The following SLC12A3 variants were observed in gnomAD, a reference collection of about 807,000 sequenced individuals.
SLC12A3 encodes Na-Cl cotransporter.
A neutral mutation model predicts 121.0 loss-of-function variants in SLC12A3; 104 were observed. That is an observed-to-expected ratio of 0.86 (90% CI 0.73 to 1.01). SLC12A3 has a LOEUF of 1.01. Among genes scored for constraint, SLC12A3 ranks in the 50% least tolerant of loss-of-function variants. SLC12A3 has a pLI of 0.00. For missense variants in SLC12A3, 1,328 were observed against 1,356.3 expected (o/e 0.98, Z 0.33); for synonymous variants, 536 against 533.4 (o/e 1.00, Z -0.07).
At position 56,865,533 on chromosome 16, in the gene SLC12A3, G is replaced by A. The variant is rs1964333460; in HGVS notation, c.282+16G>A. 2.2e-5 allele frequency: 36 copies of A among 1,608,504 alleles called. No homozygotes were observed. The highest frequency in any genetic ancestry group is 2.9e-5 in the Non-Finnish European group (34 of 1,179,942). On this transcript the variant is annotated intron_variant, in intron 1 of 25. Coordinates refer to ENST00000563236, the MANE Select transcript of SLC12A3 (RefSeq NM_001126108.2). ...CTTCCTCAAGGTAAGTGCTGTCTCA[G>A]AAGACTGGCCACTTCCCTGCTGTGT...
At chr16:56,868,227 A>G (rs1194344248) in intron 2 of SLC12A3, 70 bp from the exon 3 acceptor site, 1 of 1,449,888 alleles carries the variant, frequency 6.9e-7, no homozygotes, top group African/African-American at 1.4e-5. Context: ...TGCCATAGCA[A>G]GGGACAGGGA....
At chr16:56,867,419 A>C (rs567045994) in intron 2 of SLC12A3, among the ~76,000 whole-genome samples, 2 of 152,338 alleles carry the variant, frequency 1.3e-5, no homozygotes, top group Admixed American at 6.5e-5. Flanking sequence ...TTCCCTAAAA[A>C]GCCACCAGGG....
At chr16:56,886,516 G>A (rs777686519) in intron 16 of SLC12A3, 41 bp downstream of exon 16, 10 of 1,516,280 alleles carry the variant, frequency 6.6e-6, no homozygotes, top group Non-Finnish European at 8.2e-6. Flanking sequence ...CAGGCATGGT[G>A]GCTCATGCCT....
In SLC12A3 at chr16:56,887,021, G is replaced by A. The variant is rs769523723; in HGVS notation, c.2106G>A (p.Lys702=). The stretch of plus-strand genomic sequence containing the variant: ...ACGGGCACACCAAGTGGCTGAACAA[G>A]AGGAAGATCAAGGCCTTCTACTCGG... ...IANGHTKWLN[K]RKIKAFYSDV... is the part of the protein sequence containing the mutation. Residue 702 remains lysine, a synonymous_variant, in exon 17 of 26, where the codon AAG becomes AAA. Transcript: ENST00000563236. 1 of 1,613,920 alleles carries A rather than the reference G, an allele frequency of 6.2e-7. No homozygotes were observed. Among genetic ancestry groups the A allele is most frequent in the South Asian group, 1.1e-5 (1 of 91,080 alleles).
rs539146120 is a variant in SLC12A3, at chr16:56,883,899, C to T, written c.1670-150C>T. 99 of 754,696 alleles carry T rather than the reference C, an allele frequency of 1.3e-4. 1 individual carries two copies. The South Asian group carries it at 1.8e-3, about 13-fold the overall frequency. The allele number at this position is 754,696 out of a possible 1,614,324, so 46.7% of individuals were successfully genotyped here. A position where few individuals can be genotyped will look rare whatever the true frequency, so the allele number is the denominator to read the frequency against. On this transcript the variant is annotated intron_variant, in intron 13 of 25. Coordinates refer to ENST00000563236, the MANE Select transcript of SLC12A3 (RefSeq NM_001126108.2). ...GAGCCTGTAGACCCAGCCCAGGAGG[C>T]AGGGTGGGTGGTGCTCATGGCTGGT... is the stretch of plus-strand genomic sequence containing the variant.
At chr16:56,894,881 A>G (rs1379163926) in intron 22 of SLC12A3, among the ~76,000 whole-genome samples, 2 of 152,124 alleles carry the variant, frequency 1.3e-5, no homozygotes. Flanking sequence ...CAGATGCCCT[A>G]GGCTTTGCTA....
At position 56,892,933 on chromosome 16, in the gene SLC12A3, C is replaced by T. The variant is rs1271637973; in HGVS notation, c.2420-20C>T. ...TGCGCGGCTGCTGGCTCTGCTCTGACCCGCCCCCACCTCCTGCAGTGGACC... is the reference window on the plus strand; with the variant it reads ...TGCGCGGCTGCTGGCTCTGCTCTGATCCGCCCCCACCTCCTGCAGTGGACC... On this transcript the variant is annotated intron_variant, in intron 20 of 25. Coordinates refer to ENST00000563236, the MANE Select transcript of SLC12A3 (RefSeq NM_001126108.2). 6.2e-7 allele frequency: 1 copy of T among 1,607,624 alleles called. No individual in the cohort carries two copies. The highest frequency in any genetic ancestry group is 1.1e-5 in the South Asian group (1 of 90,744).
Position 56,913,264 on chromosome 16 carries a change from C to T in SLC12A3, c.2925C>T (p.Ile975=). 2 of 1,614,176 alleles carry T rather than the reference C, an allele frequency of 1.2e-6. No homozygotes were observed. Among genetic ancestry groups the T allele is most frequent in the Non-Finnish European group, 1.7e-6 (2 of 1,180,032 alleles). The change falls in exon 26 of 26, where the codon ATC becomes ATT. Residue 975 remains isoleucine, a splice_region_variant and synonymous_variant. Transcript: ENST00000563236. ...DYSRDAALIV[I]TLPIGRKGKC... Reference sequence around the variant, plus strand: ...TCTACCACTTTTTCATGCCTTGCAGCACTTTGCCCATAGGGAGGAAGGGGA... The same window carrying T: ...TCTACCACTTTTTCATGCCTTGCAGTACTTTGCCCATAGGGAGGAAGGGGA...
intron 1 of SLC12A3, among the ~76,000 whole-genome samples, chr16:56,865,757 C>G (rs1231278134): frequency 6.6e-6 from 1 of 152,156 alleles, no homozygotes; most frequent in African/African-American, 2.4e-5. Context: ...AGGTAATGAG[C>G]TTCCAGTGAG....
chr16:56,893,874 T>C (rs1346439227), intron 21 of SLC12A3, among the ~76,000 whole-genome samples: 11 of 149,656 alleles, frequency 7.4e-5, no homozygotes, highest in East Asian at 2.0e-4. Flanking sequence ...GCCTCCTGGG[T>C]TCAAGCGATT....
In SLC12A3 at chr16:56,882,472, C is replaced by T. The variant is rs541847708; in HGVS notation, c.1644C>T (p.Phe548=). ...CSYALINFSC[F]HASITNSPGW... is the part of the protein sequence containing the mutation. ...ATGCCCTCATCAACTTCAGCTGCTT[C>T]CACGCCTCCATCACCAACTCGCCTG... Residue 548 remains phenylalanine, a synonymous_variant, in exon 13 of 26, where the codon TTC becomes TTT. Transcript: ENST00000563236. 5.6e-6 allele frequency: 9 copies of T among 1,614,038 alleles called. No homozygotes were observed. The highest frequency in any genetic ancestry group is 4.4e-5 in the South Asian group (4 of 91,074).
intron 8 of SLC12A3, among the ~76,000 whole-genome samples, chr16:56,877,676 G>A (rs983179851): frequency 6.6e-6 from 1 of 152,190 alleles, no homozygotes; most frequent in Non-Finnish European, 1.5e-5. Context: ...CCAGCTGGCC[G>A]CCTGGAAGTG....
intron 22 of SLC12A3, among the ~76,000 whole-genome samples, chr16:56,897,705 A>G (rs1200849114): frequency 2.0e-5 from 3 of 152,140 alleles, no homozygotes; most frequent in Admixed American, 1.3e-4. Flanking sequence ...GTATAGCTCA[A>G]GGCTATGGAA....
intron 20 of SLC12A3, among the ~76,000 whole-genome samples, chr16:56,892,554 A>C (rs1231225834): frequency 6.6e-6 from 1 of 152,088 alleles, no homozygotes. Flanking sequence ...CACCCCTGCC[A>C]AGGCCCCTCT....
At chr16:56,907,119 A>T (rs1845168182) in intron 25 of SLC12A3, 1 of 170,488 alleles carries the variant, frequency 5.9e-6, no homozygotes, top group South Asian at 1.5e-4. Context: ...GCTTTTACCA[A>T]TTAGCGGAAT....
At position 56,884,170 on chromosome 16, in the gene SLC12A3, C is replaced by T. The variant is rs780573386; in HGVS notation, c.1791C>T (p.Leu597=). The stretch of plus-strand genomic sequence containing the variant: ...CCCTCATCGCCATTGGCGTGGTGCT[C>T]TTCCTCCTGCTCTATGTCATCTACA... The part of the protein sequence containing the change: ...WAALIAIGVV[L]FLLLYVIYKK... The change falls in exon 14 of 26, where the codon CTC becomes CTT. Residue 597 remains leucine (L), a synonymous_variant. Transcript: ENST00000563236. 2 of 1,614,190 alleles carry T rather than the reference C, an allele frequency of 1.2e-6. No homozygotes were observed. Among genetic ancestry groups the T allele is most frequent in the East Asian group, 2.2e-5 (1 of 44,886 alleles).
Position 56,877,978 on chromosome 16 carries a change from G to A in SLC12A3, c.1096-99G>A, listed in dbSNP as rs1345255745. The A allele has an allele frequency of 1.2e-5, 9 of 727,974 alleles. No homozygotes were observed. The African/African-American group carries it at 1.4e-4, about 11-fold the overall frequency. 45.1% of individuals were successfully genotyped at this position (727,974 alleles called of 1,614,324 possible). ...CCCAGCCTCAGCCTTAGACAAGGAGGACAGGCCTGGAAGGAGGCCCAGGGG... is the reference window on the plus strand; with the variant it reads ...CCCAGCCTCAGCCTTAGACAAGGAGAACAGGCCTGGAAGGAGGCCCAGGGG... On this transcript the variant is annotated intron_variant, in intron 8 of 25. Coordinates refer to ENST00000563236, the MANE Select transcript of SLC12A3 (RefSeq NM_001126108.2).
At chr16:56,878,304 C>T (rs550818019) in intron 9 of SLC12A3, 143 bp downstream of exon 9, 58 of 684,336 alleles carry the variant, frequency 8.5e-5, no homozygotes, top group Admixed American at 3.0e-4. Flanking sequence ...GAGGGTGTGG[C>T]GACCTTAGGA....
At chr16:56,892,833 T>C (rs888406578) in intron 20 of SLC12A3, 120 bp from the exon 21 acceptor site, 10 of 764,400 alleles carry the variant, frequency 1.3e-5, no homozygotes, top group Non-Finnish European at 2.3e-5. Context: ...CCCCGGTTCC[T>C]GTTCCACCTG....
Sources: gnomAD v4.1 joint callset for allele counts (sites outside exome capture counted in the v4.1 genomes callset) on GRCh38, gnomAD v4.1.1 for gene constraint, MANE v1.5 for transcripts, NCBI Gene and HGNC (gene_info 2026-07-23, HGNC 2026-07-21) for gene names.